Variants in ARHGEF12 observed in about 807,000 individuals in gnomAD.
ARHGEF12 encodes the protein Rho guanine nucleotide exchange factor 12, also known as KMT2A/ARHGEF12 fusion protein.
In ARHGEF12, 66 loss-of-function variants were observed where a neutral mutation model predicts 211.2. That is an observed-to-expected ratio of 0.31 (90% confidence interval 0.26 to 0.38). The LOEUF (loss-of-function observed/expected upper bound fraction) is 0.38. Ranked by LOEUF, ARHGEF12 falls within the 10% of genes least tolerant of loss-of-function variation. ARHGEF12 has a pLI of 1.00. For missense variants in ARHGEF12, 1,429 were observed against 1,869.5 expected, an observed-to-expected ratio of 0.76 and a Z score of 4.34; for synonymous variants, 592 against 638.4, an observed-to-expected ratio of 0.93 and a Z score of 1.09.
rs144090286 is a variant in ARHGEF12 at position 120,464,744 on chromosome 11, C to T, written c.2614-493C>T. 6.8e-3 allele frequency: 1,046 copies of T among 153,372 alleles called. 17 individuals are homozygous for T. The highest frequency in any genetic ancestry group is 0.024 in the African/African-American group (983 of 41,504). 9.5% of individuals were successfully genotyped at this position (153,372 alleles called of 1,614,324 possible). On this transcript the variant is annotated intron_variant, in intron 27 of 40. Coordinates refer to ENST00000397843, the MANE Select transcript of ARHGEF12 (RefSeq NM_015313.3). ...CATTGGGACTGGGCACAGTGGCTCA[C>T]GCCTGTAATCCCAGCACTTTGGGGA... is the stretch of plus-strand genomic sequence containing the variant.
At chr11:120,431,695 A>G (rs1945540114) in intron 10 of ARHGEF12, 76 bp from the exon 11 acceptor site, 5 of 1,422,772 alleles carry the variant, frequency 3.5e-6, no homozygotes, top group Middle Eastern at 2.1e-4. Flanking sequence ...TAGTACCACT[A>G]TTTCTTTATG....
intron 1 of ARHGEF12, among the ~76,000 whole-genome samples, chr11:120,380,947 A>G (rs187948057): frequency 1.4e-3 from 216 of 152,224 alleles, no homozygotes; most frequent in Non-Finnish European, 2.5e-3. Context: ...GTTACTGTTT[A>G]TGTCCCTTTC....
intron 1 of ARHGEF12, among the ~76,000 whole-genome samples, chr11:120,342,585 C>T (rs79775844): frequency 0.017 from 2,662 of 152,218 alleles, 43 homozygotes; most frequent in Non-Finnish European, 0.028. Context: ...TTAGCTTTTT[C>T]TCAGTTGCTC....
At chr11:120,452,768 G>A (rs1565493325) in intron 22 of ARHGEF12, among the ~76,000 whole-genome samples, 2 of 152,294 alleles carry the variant, frequency 1.3e-5, no homozygotes, top group East Asian at 3.9e-4. Context: ...GGCTGAGGCG[G>A]GTGGATCACC....
intron 8 of ARHGEF12, among the ~76,000 whole-genome samples, chr11:120,428,744 A>C (rs772206934): frequency 3.9e-5 from 6 of 152,214 alleles, no homozygotes; most frequent in Non-Finnish European, 7.4e-5. Flanking sequence ...GGGAGAAAGC[A>C]CATAGAAGAA....
intron 1 of ARHGEF12, among the ~76,000 whole-genome samples, chr11:120,394,914 C>T (rs115488636): frequency 0.026 from 3,876 of 151,464 alleles, 182 homozygotes; most frequent in African/African-American, 0.089. Context: ...AAACATCAGC[C>T]GGCATTGTGG....
chr11:120,457,838 G>A lies in ARHGEF12; in HGVS notation c.2225+82G>A, dbSNP rs1946411385. ...TTTCCTCTAAAGTTTCATTTTAAAG[G>A]AAAAGAAACCCTGTATACCAATCTG... is the stretch of plus-strand genomic sequence containing the variant. On this transcript the variant is annotated intron_variant, in intron 24 of 40. Transcript: ENST00000397843. 2.8e-6 allele frequency: 4 copies of A among 1,452,680 alleles called. No homozygotes were observed. In the Admixed American group the frequency reaches 8.2e-5, roughly 30 times the overall value. The allele number at this position is 1,452,680 out of a possible 1,614,324, so 90.0% of individuals were successfully genotyped here.
chr11:120,373,118 A>G (rs1430646429), intron 1 of ARHGEF12, among the ~76,000 whole-genome samples: 14 of 152,192 alleles, frequency 9.2e-5, no homozygotes, highest in Non-Finnish European at 1.8e-4. Context: ...GAATAGCTTA[A>G]TGAACCTTCA....
intron 12 of ARHGEF12, among the ~76,000 whole-genome samples, chr11:120,437,667 G>A (rs1010897578): frequency 7.9e-5 from 12 of 151,978 alleles, no homozygotes; most frequent in African/African-American, 2.4e-4. Flanking sequence ...ATTGTTGTGC[G>A]ACCATCACTG....
intron 4 of ARHGEF12, among the ~76,000 whole-genome samples, chr11:120,412,114 T>G (rs891455654): frequency 2.0e-5 from 3 of 152,188 alleles, no homozygotes; most frequent in Non-Finnish European, 4.4e-5. Flanking sequence ...CCTGTTAGAG[T>G]CTATTAAACG....
In ARHGEF12 at chr11:120,452,056, A is replaced by G. The variant is rs529073819; in HGVS notation, c.2056+332A>G. On this transcript the variant is annotated intron_variant, in intron 22 of 40. Coordinates refer to ENST00000397843, the MANE Select transcript of ARHGEF12 (RefSeq NM_015313.3). ...AAAAATGCAAATTGTGCCAAGTCCA[A>G]TCAAGGGAAGGTAAAGGGAGTATTG... 9.2e-4 allele frequency among the ~76,000 whole-genome samples: 140 copies of G among 152,350 alleles called. No individual in the cohort carries two copies. The Middle Eastern group carries it at 0.01, about 11-fold the overall frequency.
chr11:120,351,967 C>T (rs1258820899), intron 1 of ARHGEF12, among the ~76,000 whole-genome samples: 1 of 152,004 alleles, frequency 6.6e-6, no homozygotes, highest in Non-Finnish European at 1.5e-5. Context: ...ATTATTACTC[C>T]GATGCTCGCT....
In ARHGEF12 at chr11:120,488,136, A is replaced by G. The variant is rs1185347014; in HGVS notation, c.*3059A>G. ...AGAAGTCCATTTAAAAATTATTTTTAGAAGCTAAAGAAAGTAATTATGCTT... is the reference window on the plus strand; with the variant it reads ...AGAAGTCCATTTAAAAATTATTTTTGGAAGCTAAAGAAAGTAATTATGCTT... On this transcript the variant is annotated 3_prime_UTR_variant, in exon 41 of 41. Transcript: ENST00000397843. The G allele has an allele frequency of 1.8e-5, 4 of 216,872 alleles. No individual in the cohort carries two copies. The highest frequency in any genetic ancestry group is 1.2e-4 in the Admixed American group (2 of 17,240). The allele number at this position is 216,872 out of a possible 1,614,324, so 13.4% of individuals were successfully genotyped here. A position where few individuals can be genotyped will look rare whatever the true frequency, so the allele number is the denominator to read the frequency against.
intron 4 of ARHGEF12, 49 bp downstream of exon 4, chr11:120,409,499 G>A (rs550055767): frequency 2.0e-5 from 31 of 1,567,750 alleles, no homozygotes; most frequent in Non-Finnish European, 2.6e-5. Flanking sequence ...CTTGCTTCAT[G>A]GTGTTCCTTT....
chr11:120,449,347 T>C (rs1946136217), intron 21 of ARHGEF12, 133 bp downstream of exon 21: 7 of 690,970 alleles, frequency 1.0e-5, no homozygotes, highest in Non-Finnish European at 1.7e-5. Context: ...ATATGCCTTG[T>C]TTCCATTCAG....
Position 120,429,739 on chromosome 11 carries a change from C to T in ARHGEF12, c.691C>T (p.Pro231Ser), listed in dbSNP as rs114537415. 1,164 of 1,613,640 alleles carry T rather than the reference C, an allele frequency of 7.2e-4. 11 individuals are homozygous for T. In the African/African-American group the frequency reaches 0.014, roughly 19 times the overall value. The change falls in exon 10 of 41, where the codon CCT becomes TCT. Residue 231 changes from proline to serine, a missense_variant. Transcript: ENST00000397843. Reference sequence around the variant, plus strand: ...ATTGCAGGAAGATTACAACCGAACACCTGCCCAAAGATTGCTAAAAGAGAT... The same window carrying T: ...ATTGCAGGAAGATTACAACCGAACATCTGCCCAAAGATTGCTAAAAGAGAT... ...QLLQEDYNRT[P>S]AQRLLKEIQE...
At chr11:120,383,181 T>G (rs560883659) in intron 1 of ARHGEF12, among the ~76,000 whole-genome samples, 1 of 151,170 alleles carries the variant, frequency 6.6e-6, no homozygotes, top group African/African-American at 2.4e-5. Context: ...GAGCCAGGTG[T>G]TGGTGAAGGC....
chr11:120,358,090 G>T (rs2135346182), intron 1 of ARHGEF12, among the ~76,000 whole-genome samples: 1 of 152,216 alleles, frequency 6.6e-6, no homozygotes, highest in Non-Finnish European at 1.5e-5. Flanking sequence ...AAGGCCTTCA[G>T]TCAGAGAGGC....
At chr11:120,354,121 G>A (rs1018403138) in intron 1 of ARHGEF12, among the ~76,000 whole-genome samples, 3 of 152,104 alleles carry the variant, frequency 2.0e-5, no homozygotes, top group Non-Finnish European at 4.4e-5. Flanking sequence ...AGAGACCCTG[G>A]CCCCACAGAG....
Sources: gnomAD v4.1 joint callset for allele counts (sites outside exome capture counted in the v4.1 genomes callset) on GRCh38, gnomAD v4.1.1 for gene constraint, MANE v1.5 for transcripts, NCBI Gene and HGNC (gene_info 2026-07-23, HGNC 2026-07-21) for gene names.